The following ZCWPW2 variants were observed in gnomAD, a reference collection of about 807,000 sequenced individuals.
ZCWPW2 encodes the protein zinc finger CW-type PWWP domain protein 2.
A neutral mutation model predicts 46.6 loss-of-function variants in ZCWPW2; 45 were observed. The observed-to-expected ratio is 0.96, with a 90% CI of 0.76 to 1.24. The LOEUF is 1.24. ZCWPW2 is among the 50% of genes most tolerant of loss of function. The probability of loss-of-function intolerance (pLI) is 0.00; values close to 1 mark genes in which losing one functional copy is unlikely to be tolerated. For missense variants in ZCWPW2, 429 were observed against 403.9 expected (o/e 1.06, Z -0.53); for synonymous variants, 152 against 137.1 (o/e 1.11, Z -0.76).
At chr3:28,372,649 C>T (rs1433359462) in intron 1 of ZCWPW2, among the ~76,000 whole-genome samples, 1 of 152,092 alleles carries the variant, frequency 6.6e-6, no homozygotes, top group Admixed American at 6.6e-5. Context: ...TCAGAGGATA[C>T]AAGTGCAGTT....
chr3:28,463,256 A>G (rs764969205), intron 4 of ZCWPW2, among the ~76,000 whole-genome samples: 3 of 152,174 alleles, frequency 2.0e-5, no homozygotes, highest in Non-Finnish European at 4.4e-5. Flanking sequence ...TGCCAAAGTA[A>G]TATAAACATA....
intron 3 of ZCWPW2, among the ~76,000 whole-genome samples, chr3:28,417,227 C>T (rs534968860): frequency 1.3e-5 from 2 of 152,018 alleles, no homozygotes; most frequent in African/African-American, 2.4e-5. Context: ...TCAGAGAATA[C>T]TATAAATACC....
intron 8 of ZCWPW2, among the ~76,000 whole-genome samples, chr3:28,517,933 C>G (rs565022455): frequency 6.6e-6 from 1 of 152,088 alleles, no homozygotes; most frequent in East Asian, 1.9e-4. Flanking sequence ...GTCAGGAGTT[C>G]ATGACGAGCC....
At chr3:28,453,999 C>A (rs1698334472) in intron 4 of ZCWPW2, among the ~76,000 whole-genome samples, 1 of 151,550 alleles carries the variant, frequency 6.6e-6, no homozygotes, top group South Asian at 2.1e-4. Flanking sequence ...CACCCGCCAC[C>A]ACGCCCGGCT....
chr3:28,495,558 A>G (rs759652171), intron 6 of ZCWPW2, among the ~76,000 whole-genome samples: 15 of 152,078 alleles, frequency 9.9e-5, no homozygotes, highest in Non-Finnish European at 1.8e-4. Flanking sequence ...CTGCAATGAG[A>G]TATGTACAGA....
chr3:28,433,887 C>T (rs1277766837), intron 3 of ZCWPW2, among the ~76,000 whole-genome samples: 1 of 150,148 alleles, frequency 6.7e-6, no homozygotes, highest in Non-Finnish European at 1.5e-5. Flanking sequence ...TAACTTGCCT[C>T]AGTAAGTTGC....
chr3:28,445,762 A>G (rs920254922), intron 4 of ZCWPW2, among the ~76,000 whole-genome samples: 9 of 152,126 alleles, frequency 5.9e-5, no homozygotes, highest in Admixed American at 1.3e-4. Flanking sequence ...ATAAAAAGAC[A>G]CGATCTTACT....
At chr3:28,395,902 A>G (rs1695677176) in intron 2 of ZCWPW2, among the ~76,000 whole-genome samples, 2 of 152,144 alleles carry the variant, frequency 1.3e-5, no homozygotes, top group Admixed American at 1.3e-4. Context: ...TCTTTTCAGA[A>G]AAAATAATAG....
chr3:28,435,586 C>T (rs977936451), intron 4 of ZCWPW2, among the ~76,000 whole-genome samples: 8 of 150,462 alleles, frequency 5.3e-5, no homozygotes, highest in East Asian at 2.0e-4. Context: ...CCTGGGTTCA[C>T]GCCATTCTCC....
chr3:28,460,814 A>G (rs1408534189), intron 4 of ZCWPW2, among the ~76,000 whole-genome samples: 3 of 152,204 alleles, frequency 2.0e-5, no homozygotes, highest in Non-Finnish European at 4.4e-5. Flanking sequence ...AGTGCAATAC[A>G]TGGTTAGAGT....
rs537937264 is a variant in ZCWPW2, at chr3:28,432,388, G to C, written c.333-2722G>C. ...TGTCTAAATGGGACTTTACAGTGCT[G>C]CAAAGTGAAGTAACACTTGACAGCT... On this transcript the variant is annotated intron_variant, in intron 3 of 9. Coordinates refer to ENST00000383768, the MANE Select transcript of ZCWPW2 (RefSeq NM_001040432.4). Among the ~76,000 whole-genome samples the C allele has an allele frequency of 1.3e-4, 20 of 152,310 alleles. 1 individual carries two copies. The East Asian group carries it at 3.7e-3, about 28-fold the overall frequency.
intron 6 of ZCWPW2, among the ~76,000 whole-genome samples, chr3:28,500,156 C>G (rs1166940147): frequency 6.6e-6 from 1 of 151,944 alleles, no homozygotes; most frequent in East Asian, 1.9e-4. Flanking sequence ...AGTGCTCTCA[C>G]CATCAGTGCT....
chr3:28,419,908 AC>A (rs1696693370), intron 3 of ZCWPW2, among the ~76,000 whole-genome samples: 1 of 117,954 alleles, frequency 8.5e-6, no homozygotes, highest in Non-Finnish European at 1.7e-5. Context: ...GGAACATCAC[AC>A]ACCGGGGACT....
intron 1 of ZCWPW2, among the ~76,000 whole-genome samples, chr3:28,355,513 T>G: frequency 6.6e-6 from 1 of 152,228 alleles, no homozygotes; most frequent in East Asian, 1.9e-4. Flanking sequence ...AAAGTTCATA[T>G]GGAACCAAGA....
At chr3:28,515,752 C>CAT (rs1700548855) in intron 8 of ZCWPW2, 131 bp downstream of exon 8, 2 of 650,084 alleles carry the variant, frequency 3.1e-6, no homozygotes, top group Admixed American at 6.6e-5. Flanking sequence ...TGTGTATACA[C>CAT]ATATATACAT....
intron 9 of ZCWPW2, among the ~76,000 whole-genome samples, chr3:28,521,661 T>C (rs1700727491): frequency 6.6e-6 from 1 of 152,252 alleles, no homozygotes; most frequent in African/African-American, 2.4e-5. Context: ...CCAAATGTGC[T>C]TACTTTATTC....
At chr3:28,371,569 G>A (rs1705335151) in intron 1 of ZCWPW2, among the ~76,000 whole-genome samples, 1 of 152,134 alleles carries the variant, frequency 6.6e-6, no homozygotes, top group South Asian at 2.1e-4. Flanking sequence ...TAAGGTGGGA[G>A]GATCACTTGA....
At chr3:28,425,099 T>G (rs946410351) in intron 3 of ZCWPW2, among the ~76,000 whole-genome samples, 4 of 152,202 alleles carry the variant, frequency 2.6e-5, no homozygotes, top group Non-Finnish European at 4.4e-5. Flanking sequence ...TCTTTTGCAG[T>G]GTTGTGCTAG....
intron 5 of ZCWPW2, among the ~76,000 whole-genome samples, chr3:28,480,875 T>C (rs1699404127): frequency 6.7e-6 from 1 of 149,054 alleles, no homozygotes; most frequent in African/African-American, 2.5e-5. Context: ...TTTTTTTTTT[T>C]TTTTTTTTGA....
Sources: allele counts gnomAD v4.1 joint callset (sites outside exome capture counted in the v4.1 genomes callset), GRCh38; gene constraint gnomAD v4.1.1; transcripts MANE v1.5; gene names NCBI Gene and HGNC (gene_info 2026-07-23, HGNC 2026-07-21).